RABGAP1L: variants seen among roughly 807,000 people sequenced by gnomAD.
The protein encoded by RABGAP1L is RAB GTPase activating protein 1 like, also known as rab GTPase-activating protein 1-like.
A neutral mutation model predicts 137.7 loss-of-function variants in RABGAP1L; 63 were observed. That is an observed-to-expected ratio of 0.46 (90% confidence interval 0.37 to 0.56). The LOEUF (loss-of-function observed/expected upper bound fraction) is 0.56. Ranked by LOEUF, RABGAP1L falls within the 20% of genes least tolerant of loss-of-function variation. The pLI, the probability that RABGAP1L is intolerant of heterozygous loss-of-function variation, is 0.00. For synonymous variants in RABGAP1L, 431 were observed against 433.7 expected (o/e 0.99, Z 0.08); for missense variants, 1,095 against 1,244.0 (o/e 0.88, Z 1.80).
chr1:174,825,638 CT>C (rs955276616), intron 19 of RABGAP1L, among the ~76,000 whole-genome samples: 3 of 152,234 alleles, frequency 2.0e-5, no homozygotes, highest in African/African-American at 7.2e-5. Context: ...AATCCCAGCA[CT>C]TTGGGAGGCC....
At chr1:174,728,966 A>T (rs1682233785) in intron 17 of RABGAP1L, among the ~76,000 whole-genome samples, 1 of 152,106 alleles carries the variant, frequency 6.6e-6, no homozygotes, top group Non-Finnish European at 1.5e-5. Flanking sequence ...GACAGAACTA[A>T]ATAAAACTAT....
At chr1:174,639,552 T>C (rs532339835) in intron 14 of RABGAP1L, among the ~76,000 whole-genome samples, 44 of 152,246 alleles carry the variant, frequency 2.9e-4, no homozygotes, top group Admixed American at 1.2e-3. Flanking sequence ...AACATTTTTT[T>C]CCCCTAGCAT....
chr1:174,233,545 T>G (rs1670881502), intron 4 of RABGAP1L, among the ~76,000 whole-genome samples: 1 of 143,898 alleles, frequency 6.9e-6, no homozygotes, highest in South Asian at 2.1e-4. Flanking sequence ...GATAGTTTAC[T>G]GAGAATGATG....
chr1:174,601,731 T>A (rs1670428391), intron 13 of RABGAP1L, among the ~76,000 whole-genome samples: 1 of 152,206 alleles, frequency 6.6e-6, no homozygotes. Context: ...TTATGCTCTG[T>A]TTCCCTTTTA....
chr1:174,685,551 C>CTTTGTTTATTTATTTA (rs112033205), intron 15 of RABGAP1L, among the ~76,000 whole-genome samples: 1 of 144,970 alleles, frequency 6.9e-6, no homozygotes, highest in African/African-American at 2.6e-5. Flanking sequence ...CCGCGCCGGC[C>CTTTGTTTATTTATTTA]TTTATTTATT....
chr1:174,807,452 G>A (rs1253454174), intron 18 of RABGAP1L, among the ~76,000 whole-genome samples: 2 of 152,176 alleles, frequency 1.3e-5, no homozygotes, highest in Non-Finnish European at 2.9e-5. Context: ...CGAGCAAGAA[G>A]TGTCTATCCC....
intron 1 of RABGAP1L, among the ~76,000 whole-genome samples, chr1:174,189,132 AGT>A (rs1667022663): frequency 6.6e-6 from 1 of 152,020 alleles, no homozygotes; most frequent in South Asian, 2.1e-4. Flanking sequence ...CAGCCTCCCG[AGT>A]AGCTGGGACT....
At chr1:174,227,806 AT>A (rs1670310518) in intron 3 of RABGAP1L, among the ~76,000 whole-genome samples, 1 of 148,704 alleles carries the variant, frequency 6.7e-6, no homozygotes, top group Admixed American at 6.7e-5. Flanking sequence ...TTCTGCTCTC[AT>A]TCATTTTGCT....
chr1:174,946,116 C>T (rs866651188), intron 19 of RABGAP1L, among the ~76,000 whole-genome samples: 1 of 151,606 alleles, frequency 6.6e-6, no homozygotes, highest in Middle Eastern at 3.4e-3. Context: ...TAATCTCCTA[C>T]GTTATGCCTG....
At chr1:174,823,732 C>T (rs78990002) in intron 19 of RABGAP1L, among the ~76,000 whole-genome samples, 3,370 of 152,260 alleles carry the variant, frequency 0.022, 55 homozygotes, top group Middle Eastern at 0.085. Context: ...AAAGAATTGA[C>T]ACATGTTTGA....
chr1:174,248,215 C>G (rs1672424590), intron 5 of RABGAP1L, among the ~76,000 whole-genome samples: 1 of 152,204 alleles, frequency 6.6e-6, no homozygotes, highest in Admixed American at 6.5e-5. Flanking sequence ...TAATGATTCC[C>G]TCTCATCCAT....
At chr1:174,969,758 T>A (rs186375003) in intron 21 of RABGAP1L, among the ~76,000 whole-genome samples, 1,526 of 152,322 alleles carry the variant, frequency 0.01, 9 homozygotes, top group Non-Finnish European at 0.012. Flanking sequence ...TTATTCTCCA[T>A]AATAAATGTG....
intron 4 of RABGAP1L, among the ~76,000 whole-genome samples, chr1:174,234,768 A>G (rs1482273510): frequency 1.3e-5 from 2 of 149,604 alleles, no homozygotes; most frequent in African/African-American, 5.0e-5. Flanking sequence ...TTGGTTCCAT[A>G]TGAACTTTAA....
In RABGAP1L at chr1:174,761,712, C is replaced by T. The variant is rs1685239562; in HGVS notation, c.2211+9358C>T. ...GTGGAAACTCCCGTTTTTAAAACATCAGATCTCATGAGACTATTCACTACC... is the reference window on the plus strand; with the variant it reads ...GTGGAAACTCCCGTTTTTAAAACATTAGATCTCATGAGACTATTCACTACC... On this transcript the variant is annotated intron_variant, in intron 18 of 25. Transcript: ENST00000681986. This position sits in a 1 kb window ranked among gnomAD's most constrained non-coding sequence, Gnocchi z 4.0. 6.6e-6 allele frequency among the ~76,000 whole-genome samples: 1 copy of T among 152,128 alleles called. No homozygotes were observed. The highest frequency in any genetic ancestry group is 1.5e-5 in the Non-Finnish European group (1 of 68,024).
At chr1:174,302,413 G>A (rs1677800228) in intron 10 of RABGAP1L, among the ~76,000 whole-genome samples, 1 of 152,142 alleles carries the variant, frequency 6.6e-6, no homozygotes, top group Admixed American at 6.5e-5. Context: ...AAAAGAGAGA[G>A]GTCTCAAGAA....
intron 13 of RABGAP1L, among the ~76,000 whole-genome samples, chr1:174,507,838 A>G (rs74658177): frequency 0.11 from 13,679 of 126,576 alleles, 836 homozygotes; most frequent in East Asian, 0.22. Context: ...ACTGTGTTTT[A>G]TATTCACCAA....
intron 13 of RABGAP1L, among the ~76,000 whole-genome samples, chr1:174,601,506 G>T (rs988556790): frequency 1.3e-5 from 2 of 151,596 alleles, no homozygotes; most frequent in African/African-American, 4.9e-5. Context: ...TGGGGTTGGG[G>T]GCAGGGGGAG....
At chr1:174,452,020 T>C (rs1655507655) in intron 13 of RABGAP1L, among the ~76,000 whole-genome samples, 1 of 152,214 alleles carries the variant, frequency 6.6e-6, no homozygotes. Flanking sequence ...TTATTTACTA[T>C]AGTATTTTAT....
chr1:174,797,478 T>TG (rs1049997085), intron 18 of RABGAP1L, among the ~76,000 whole-genome samples: 219 of 135,186 alleles, frequency 1.6e-3, no homozygotes, highest in African/African-American at 6.1e-3. Context: ...TGCGTGGTGT[T>TG]GGGGGGGTGT....
Sources: gnomAD v4.1 joint callset for allele counts (sites outside exome capture counted in the v4.1 genomes callset) on GRCh38, gnomAD v4.1.1 for gene constraint, Gnocchi (gnomAD v3.1) non-coding constraint, MANE v1.5 for transcripts, NCBI Gene and HGNC (gene_info 2026-07-23, HGNC 2026-07-21) for gene names.